EDNRA: variants seen among roughly 807,000 people sequenced by gnomAD.
EDNRA encodes endothelin receptor type A.
A neutral mutation model predicts 41.4 loss-of-function variants in EDNRA; 11 were observed. The ratio of observed to expected loss-of-function variants is 0.27; its 90% CI spans 0.17 to 0.44. The LOEUF (loss-of-function observed/expected upper bound fraction) is 0.44. Ranked by LOEUF, EDNRA falls within the 20% of genes least tolerant of loss-of-function variation. EDNRA has a pLI of 1.00. For synonymous variants in EDNRA, 172 were observed against 183.0 expected (o/e 0.94, Z 0.49); for missense variants, 294 against 531.0 (o/e 0.55, Z 4.39).
intron 2 of EDNRA, chr4:147,489,541 C>T (rs1231897516): frequency 1.3e-5 from 2 of 152,116 alleles, no homozygotes; most frequent in Non-Finnish European, 2.9e-5. Flanking sequence ...AAAGATTGTA[C>T]TGAAACGGTT....
Position 147,485,747 on chromosome 4 carries a change from T to G in EDNRA, c.66T>G (p.Asn22Lys). ...LALVGCVISD[N>K]PERYSTNLSN... ...TGGTTGGATGTGTAATCAGTGATAA[T>G]CCTGAGAGATACAGCACAAATCTAA... The change falls in exon 2 of 8, where the codon AAT becomes AAG. Residue 22 changes from asparagine to lysine, a missense_variant. Around this residue, in one of 3 missense-constraint regions of EDNRA, gnomAD observed 90 missense variants for 122.8 expected, o/e 0.73. Coordinates refer to ENST00000651419, the MANE Select transcript of EDNRA (RefSeq NM_001957.4). 6.2e-7 allele frequency: 1 copy of G among 1,614,188 alleles called. No homozygotes were observed. The highest frequency in any genetic ancestry group is 8.5e-7 in the Non-Finnish European group (1 of 1,180,022).
Position 147,519,028 on chromosome 4 carries a change from T to G in EDNRA, c.421-823T>G, listed in dbSNP as rs549597061. 6.6e-6 allele frequency among the ~76,000 whole-genome samples: 1 copy of G among 152,324 alleles called. No individual in the cohort carries two copies. The highest frequency in any genetic ancestry group is 2.1e-4 in the South Asian group (1 of 4,832). On this transcript the variant is annotated intron_variant, in intron 2 of 7. Transcript: ENST00000651419. The surrounding 1 kb of genome is among the most constrained non-coding windows in gnomAD (Gnocchi z 4.1). ...TACCCAGCACAGCCACTAGAGGGTG[T>G]CCACTCTTGCCTTGCAAACAAGGTT...
At chr4:147,501,135 G>A (rs1309052067) in intron 2 of EDNRA, among the ~76,000 whole-genome samples, 1 of 152,192 alleles carries the variant, frequency 6.6e-6, no homozygotes, top group African/African-American at 2.4e-5. Context: ...AGAAAAAGCT[G>A]GTATTAGAAC....
At chr4:147,520,909 CAT>C (rs926597568) in intron 3 of EDNRA, among the ~76,000 whole-genome samples, 2 of 152,142 alleles carry the variant, frequency 1.3e-5, no homozygotes, top group Non-Finnish European at 2.9e-5. Flanking sequence ...ACTGTTAAAA[CAT>C]AAAAATGTGC....
At chr4:147,525,817 T>C (rs1439846315) in intron 3 of EDNRA, among the ~76,000 whole-genome samples, 1 of 152,204 alleles carries the variant, frequency 6.6e-6, no homozygotes, top group African/African-American at 2.4e-5. Flanking sequence ...CTTGGAAAAG[T>C]TGCAAAGATC....
chr4:147,522,554 A>AG (rs1359160349), intron 3 of EDNRA, among the ~76,000 whole-genome samples: 2 of 152,128 alleles, frequency 1.3e-5, no homozygotes, highest in African/African-American at 4.8e-5. Context: ...AAAAAAAAAA[A>AG]AAAATTAGTT....
intron 2 of EDNRA, among the ~76,000 whole-genome samples, chr4:147,510,274 A>G (rs1268726827): frequency 6.6e-6 from 1 of 152,154 alleles, no homozygotes; most frequent in Admixed American, 6.5e-5. Context: ...TAGGAAAGGA[A>G]CCCAGTGTCA....
At chr4:147,540,830 A>T (rs1731074008) in intron 7 of EDNRA, among the ~76,000 whole-genome samples, 1 of 152,150 alleles carries the variant, frequency 6.6e-6, no homozygotes, top group Admixed American at 6.5e-5. Flanking sequence ...GACTTGAACC[A>T]AAGTCTTGAC....
chr4:147,487,735 C>G (rs1347432105), intron 2 of EDNRA, among the ~76,000 whole-genome samples: 2 of 152,206 alleles, frequency 1.3e-5, no homozygotes, highest in East Asian at 3.8e-4. Context: ...CACCAGTACA[C>G]TGTTTCCAAA....
chr4:147,495,540 T>C (rs1014036756), intron 2 of EDNRA: 3 of 152,202 alleles, frequency 2.0e-5, no homozygotes, highest in Admixed American at 1.3e-4. Flanking sequence ...TTCATTGTCA[T>C]GTCAGTGAGG....
intron 2 of EDNRA, among the ~76,000 whole-genome samples, chr4:147,505,738 T>G (rs1255309995): frequency 1.5e-5 from 2 of 137,718 alleles, no homozygotes; most frequent in African/African-American, 2.8e-5. Context: ...AAGCTCCGCC[T>G]CCTGGGTTCA....
rs911856780 is a variant in EDNRA at position 147,536,089 on chromosome 4, G to A, written c.900+60G>A. The A allele has an allele frequency of 4.5e-6, 7 of 1,569,978 alleles. No homozygotes were observed. The African/African-American group carries it at 8.1e-5, about 18-fold the overall frequency. On this transcript the variant is annotated intron_variant, in intron 5 of 7. Transcript: ENST00000651419. Reference sequence around the variant, plus strand: ...ACTGGTTAGTCCTTGACAGCAGCAGGCCTGCAAATACCATCTTTAGTAGAA... The same window carrying A: ...ACTGGTTAGTCCTTGACAGCAGCAGACCTGCAAATACCATCTTTAGTAGAA...
At chr4:147,522,913 T>C (rs2126454040) in intron 3 of EDNRA, among the ~76,000 whole-genome samples, 1 of 152,244 alleles carries the variant, frequency 6.6e-6, no homozygotes, top group South Asian at 2.1e-4. Flanking sequence ...AAAACATAAA[T>C]CCATACACGT....
chr4:147,510,862 G>T (rs943555146), intron 2 of EDNRA, among the ~76,000 whole-genome samples: 2 of 152,168 alleles, frequency 1.3e-5, no homozygotes, highest in African/African-American at 2.4e-5. Context: ...TACAGGGAAG[G>T]GTGCAGGTTA....
chr4:147,508,511 T>A (rs1729804580), intron 2 of EDNRA, among the ~76,000 whole-genome samples: 1 of 152,188 alleles, frequency 6.6e-6, no homozygotes, highest in Non-Finnish European at 1.5e-5. Flanking sequence ...TGCCCTAGTG[T>A]CCTATCTGTG....
intron 4 of EDNRA, among the ~76,000 whole-genome samples, chr4:147,535,194 C>T (rs544580336): frequency 2.0e-5 from 3 of 152,116 alleles, no homozygotes; most frequent in African/African-American, 4.8e-5. Context: ...GAAGTAAAAC[C>T]GAATAATCTC....
chr4:147,524,904 A>C (rs1730479628), intron 3 of EDNRA, among the ~76,000 whole-genome samples: 1 of 152,188 alleles, frequency 6.6e-6, no homozygotes, highest in Non-Finnish European at 1.5e-5. Flanking sequence ...CTACAAAAAA[A>C]AATAAAAATA....
intron 1 of EDNRA, among the ~76,000 whole-genome samples, chr4:147,484,374 A>G (rs1273671900): frequency 5.9e-5 from 9 of 152,208 alleles, no homozygotes; most frequent in African/African-American, 2.2e-4. Context: ...AATATTTTAC[A>G]TACAAATAAA....
At chr4:147,509,602 C>T (rs1005778339) in intron 2 of EDNRA, among the ~76,000 whole-genome samples, 2 of 152,128 alleles carry the variant, frequency 1.3e-5, no homozygotes, top group Non-Finnish European at 2.9e-5. Context: ...CAGCTGCTCC[C>T]CATCACTCGC....
Sources: allele counts gnomAD v4.1 joint callset (sites outside exome capture counted in the v4.1 genomes callset), GRCh38; gene constraint gnomAD v4.1.1; regional missense constraint gnomAD v4.1.1; non-coding constraint Gnocchi (gnomAD v3.1); transcripts MANE v1.5; gene names NCBI Gene and HGNC (gene_info 2026-07-23, HGNC 2026-07-21).